The following MMP16 variants were observed in gnomAD, a reference collection of about 807,000 sequenced individuals.
The protein encoded by MMP16 is matrix metalloproteinase-16.
A neutral mutation model predicts 67.8 loss-of-function variants in MMP16; 12 were observed. That is an observed-to-expected ratio of 0.18 (90% CI 0.11 to 0.29). The LOEUF (loss-of-function observed/expected upper bound fraction) is 0.29. MMP16 is among the 10% of genes least tolerant of loss of function. The pLI is 1.00. For synonymous variants in MMP16, 249 were observed against 255.9 expected, an observed-to-expected ratio of 0.97 and a Z score of 0.26; for missense variants, 475 against 765.7, an observed-to-expected ratio of 0.62 and a Z score of 4.48.
At chr8:88,319,590 A>C (rs1355652787) in intron 1 of MMP16, among the ~76,000 whole-genome samples, 2 of 152,152 alleles carry the variant, frequency 1.3e-5, no homozygotes, top group Non-Finnish European at 2.9e-5. Flanking sequence ...GTAGGAATTC[A>C]ACTGTGAAAA....
chr8:88,054,974 G>T (rs1358265817), intron 8 of MMP16, among the ~76,000 whole-genome samples: 1 of 152,034 alleles, frequency 6.6e-6, no homozygotes, highest in Non-Finnish European at 1.5e-5. Flanking sequence ...ATAAATGGAA[G>T]TATAATGGCA....
chr8:88,226,221 T>C (rs1415626236), intron 1 of MMP16, among the ~76,000 whole-genome samples: 2 of 152,018 alleles, frequency 1.3e-5, no homozygotes, highest in Non-Finnish European at 2.9e-5. Context: ...GAGAATTACT[T>C]TCTTAAATCT....
At chr8:88,056,481 G>A (rs1305073035) in intron 7 of MMP16, among the ~76,000 whole-genome samples, 2 of 150,990 alleles carry the variant, frequency 1.3e-5, no homozygotes, top group South Asian at 2.1e-4. Flanking sequence ...ATTCAGAAGT[G>A]GATATAATGA....
chr8:88,048,001 G>T (rs1808220676), intron 8 of MMP16, among the ~76,000 whole-genome samples: 1 of 152,172 alleles, frequency 6.6e-6, no homozygotes, highest in South Asian at 2.1e-4. Flanking sequence ...TTAGATGTGG[G>T]ATGTGAAAGA....
At chr8:88,323,442 C>A (rs1811490300) in intron 1 of MMP16, among the ~76,000 whole-genome samples, 1 of 152,094 alleles carries the variant, frequency 6.6e-6, no homozygotes, top group Non-Finnish European at 1.5e-5. Flanking sequence ...TCATATTTGT[C>A]ATAAAAGACC....
At chr8:88,237,280 G>C (rs1411819527) in intron 1 of MMP16, among the ~76,000 whole-genome samples, 1 of 152,162 alleles carries the variant, frequency 6.6e-6, no homozygotes, top group Non-Finnish European at 1.5e-5. Flanking sequence ...GGCATTATGC[G>C]TTTTGCTCAA....
intron 1 of MMP16, among the ~76,000 whole-genome samples, chr8:88,309,966 T>C (rs936953953): frequency 1.3e-5 from 2 of 152,088 alleles, no homozygotes; most frequent in African/African-American, 4.8e-5. Context: ...ACTGACAGTG[T>C]ATGCACCTTT....
At chr8:88,103,119 A>T (rs1467894708) in intron 6 of MMP16, among the ~76,000 whole-genome samples, 11 of 151,836 alleles carry the variant, frequency 7.2e-5, no homozygotes, top group Non-Finnish European at 1.6e-4. Flanking sequence ...AGTAAGCTAC[A>T]TTCCTTTCCC....
chr8:88,105,559 C>T (rs892228555), intron 6 of MMP16, among the ~76,000 whole-genome samples: 4 of 151,360 alleles, frequency 2.6e-5, no homozygotes, highest in African/African-American at 9.7e-5. Context: ...AAATTTGGAA[C>T]CAAATGTCAA....
intron 1 of MMP16, among the ~76,000 whole-genome samples, chr8:88,300,287 T>C (rs1357265710): frequency 7.2e-5 from 11 of 152,220 alleles, no homozygotes. Flanking sequence ...ACAGAAGCCC[T>C]CCTTATGCAG....
chr8:88,268,655 A>C (rs2129967140), intron 1 of MMP16, among the ~76,000 whole-genome samples: 1 of 152,286 alleles, frequency 6.6e-6, no homozygotes, highest in South Asian at 2.1e-4. Flanking sequence ...CCCAGAAGTC[A>C]ATTTGTCCAT....
intron 1 of MMP16, among the ~76,000 whole-genome samples, chr8:88,269,827 T>G (rs897134346): frequency 6.6e-6 from 1 of 152,226 alleles, no homozygotes; most frequent in Non-Finnish European, 1.5e-5. Context: ...TAGCAGTTTT[T>G]GTGGTAGAAT....
At chr8:88,106,463 A>C (rs1809243577) in intron 6 of MMP16, among the ~76,000 whole-genome samples, 1 of 151,278 alleles carries the variant, frequency 6.6e-6, no homozygotes, top group Non-Finnish European at 1.5e-5. Flanking sequence ...TGCTGAAATG[A>C]CTGTTTATGT....
chr8:88,239,959 T>C (rs916434994), intron 1 of MMP16, among the ~76,000 whole-genome samples: 1 of 152,240 alleles, frequency 6.6e-6, no homozygotes, highest in African/African-American at 2.4e-5. Context: ...TTAACTTAGA[T>C]GACCTACATA....
At chr8:88,287,780 G>A (rs1810855726) in intron 1 of MMP16, among the ~76,000 whole-genome samples, 1 of 152,178 alleles carries the variant, frequency 6.6e-6, no homozygotes, top group Non-Finnish European at 1.5e-5. Flanking sequence ...CAGACATGGT[G>A]CCCAGAGCTT....
chr8:88,137,957 G>C (rs1417138149), intron 4 of MMP16, among the ~76,000 whole-genome samples: 1 of 151,774 alleles, frequency 6.6e-6, no homozygotes, highest in Non-Finnish European at 1.5e-5. Flanking sequence ...TTTAGTTCTA[G>C]GGTTTCTATT....
chr8:88,127,973 A>G (rs1807962204), intron 4 of MMP16, among the ~76,000 whole-genome samples: 1 of 151,834 alleles, frequency 6.6e-6, no homozygotes, highest in Non-Finnish European at 1.5e-5. Context: ...GCTGGCTCAT[A>G]ACAAGGAGAT....
At chr8:88,130,248 A>G (rs1045322236) in intron 4 of MMP16, among the ~76,000 whole-genome samples, 18 of 151,834 alleles carry the variant, frequency 1.2e-4, no homozygotes, top group Non-Finnish European at 2.1e-4. Context: ...AAAATATTTT[A>G]GTAAAGTAGT....
At chr8:88,243,584 T>A (rs994461371) in intron 1 of MMP16, among the ~76,000 whole-genome samples, 5 of 152,218 alleles carry the variant, frequency 3.3e-5, no homozygotes, top group Admixed American at 3.3e-4. Context: ...AATGAGATAG[T>A]AGACGCTTAA....
Sources: gnomAD v4.1 joint callset for allele counts (sites outside exome capture counted in the v4.1 genomes callset) on GRCh38, gnomAD v4.1.1 for gene constraint, MANE v1.5 for transcripts, NCBI Gene and HGNC (gene_info 2026-07-23, HGNC 2026-07-21) for gene names.